Variants in MGST1 observed in about 807,000 individuals in gnomAD.
MGST1 encodes glutathione S-transferase 12.
MGST1 carries 5 observed loss-of-function variants against 8.9 expected under a neutral mutation model. That is an observed-to-expected ratio of 0.56 (90% CI 0.29 to 1.19). MGST1 has a LOEUF of 1.19. Among genes scored for constraint, MGST1 ranks in the 50% most tolerant of loss-of-function variants. MGST1 has a pLI of 0.08. For synonymous variants in MGST1, 54 were observed against 67.8 expected, an observed-to-expected ratio of 0.80 and a Z score of 1.00; for missense variants, 182 against 187.4, an observed-to-expected ratio of 0.97 and a Z score of 0.17.
chr12:16,479,266 G>A (rs1174584138), intron 4 of MGST1, among the ~76,000 whole-genome samples: 2 of 111,568 alleles, frequency 1.8e-5, no homozygotes, highest in African/African-American at 3.5e-5. Flanking sequence ...ACGGAGTCTC[G>A]CTCTGTCGCC....
At chr12:16,349,875 G>T (rs1472238661) in intron 1 of MGST1, among the ~76,000 whole-genome samples, 1 of 151,680 alleles carries the variant, frequency 6.6e-6, no homozygotes, top group Non-Finnish European at 1.5e-5. Context: ...CTCCCGAGTA[G>T]CTGGGACTAC....
chr12:16,360,980 T>TGCC (rs575833407), intron 3 of MGST1, among the ~76,000 whole-genome samples: 3 of 144,250 alleles, frequency 2.1e-5, no homozygotes, highest in South Asian at 2.3e-4. Context: ...TTTATAGTGT[T>TGCC]CCCCCCCTCC....
In MGST1 at chr12:16,401,328, A is replaced by G. The variant is rs1224954770; in HGVS notation, n.778+17724A>G. 1 of 1,353,106 alleles carries G rather than the reference A, an allele frequency of 7.4e-7. No individual in the cohort carries two copies. Among genetic ancestry groups the G allele is most frequent in the South Asian group, 1.2e-5 (1 of 85,810 alleles). The allele number at this position is 1,353,106 out of a possible 1,614,324, so 83.8% of individuals were successfully genotyped here. A position where few individuals can be genotyped will look rare whatever the true frequency, so the allele number is the denominator to read the frequency against. On this transcript the variant is annotated intron_variant and non_coding_transcript_variant, in intron 1 of 1. Coordinates refer to the MGST1 transcript ENST00000359720. The surrounding 1 kb of genome is among the most constrained non-coding windows in gnomAD (Gnocchi z 4.3). ...CTGTCTTCAGTTTGTATTGATTTTT[A>G]CTATTGATTACTAGGAAGCTTTCAT...
At chr12:16,402,517 G>C in intron 1 of MGST1, 2 of 1,062,720 alleles carry the variant, frequency 1.9e-6, no homozygotes, top group African/African-American at 1.6e-5. Context: ...TCTTATTCTT[G>C]GTTAGATTTA....
intron 4 of MGST1, among the ~76,000 whole-genome samples, chr12:16,539,584 A>G (rs1239987912): frequency 1.3e-5 from 2 of 152,146 alleles, no homozygotes; most frequent in African/African-American, 4.8e-5. Flanking sequence ...TTGCTTAAGT[A>G]TACCCATATT....
downstream of MGST1, among the ~76,000 whole-genome samples, chr12:16,369,025 G>A (rs1940242517): frequency 6.6e-6 from 1 of 152,106 alleles, no homozygotes; most frequent in Non-Finnish European, 1.5e-5. The surrounding 1 kb of genome is among the most constrained non-coding windows in gnomAD (Gnocchi z 4.8). Flanking sequence ...GTTGCCTAAA[G>A]TTCTTAGTCT....
intron 1 of MGST1, among the ~76,000 whole-genome samples, chr12:16,393,050 G>A (rs1266972894): frequency 2.6e-5 from 4 of 152,074 alleles, no homozygotes; most frequent in African/African-American, 7.2e-5. Context: ...ATGAGTTGAA[G>A]TTTTATAAGG....
At chr12:16,428,099 CAG>C (rs1940908409) in intron 1 of MGST1, among the ~76,000 whole-genome samples, 1 of 151,634 alleles carries the variant, frequency 6.6e-6, no homozygotes, top group East Asian at 1.9e-4. Flanking sequence ...CTCTTCAAAC[CAG>C]AGTTTTTCTA....
intron 4 of MGST1, among the ~76,000 whole-genome samples, chr12:16,570,276 C>G (rs549494837): frequency 1.1e-4 from 16 of 152,180 alleles, no homozygotes; most frequent in African/African-American, 3.6e-4. Flanking sequence ...CTTTTGATAT[C>G]TTTACAGACT....
chr12:16,410,058 G>A lies in MGST1; in HGVS notation n.778+26454G>A, dbSNP rs986799160. On this transcript the variant is annotated intron_variant and non_coding_transcript_variant, in intron 1 of 1. Coordinates refer to the MGST1 transcript ENST00000359720. The surrounding 1 kb of genome is among the most constrained non-coding windows in gnomAD (Gnocchi z 4.4). ...TGGGAAGTGAGTGGGGTAGTGTAGC[G>A]CAGATTTAACTCTGAGCTTTCTCTT... is the stretch of plus-strand genomic sequence containing the variant. Among the ~76,000 whole-genome samples, 2 of 152,216 alleles carry A rather than the reference G, an allele frequency of 1.3e-5. No homozygotes were observed. Among genetic ancestry groups the A allele is most frequent in the African/African-American group, 2.4e-5 (1 of 41,532 alleles).
At position 16,400,038 on chromosome 12, in the gene MGST1, A is replaced by G. The variant is rs1030291615; in HGVS notation, n.778+16434A>G. The G allele has an allele frequency of 4.4e-6, 7 of 1,574,394 alleles. No homozygotes were observed. The African/African-American group carries it at 9.4e-5, about 21-fold the overall frequency. On this transcript the variant is annotated intron_variant and non_coding_transcript_variant, in intron 1 of 1. Coordinates refer to the MGST1 transcript ENST00000359720. ...ATCCCAAGTCCCTAAAAGGCACTTC[A>G]AATTCCAGTTCCTCCTTAGTTAGAG...
At chr12:16,420,218 A>C (rs1413836836) in intron 1 of MGST1, among the ~76,000 whole-genome samples, 1 of 152,176 alleles carries the variant, frequency 6.6e-6, no homozygotes, top group Non-Finnish European at 1.5e-5. Flanking sequence ...TTTTGATAGC[A>C]CAGATCACAT....
Position 16,357,644 on chromosome 12 carries a change from G to C in MGST1, c.166G>C (p.Gly56Arg). ...AGAAGACTGTGTAGCATTTGGCAAA[G>C]GAGAAAATGCCAAGAAGTATCTTCG... ...NPEDCVAFGK[G>R]ENAKKYLRTD... is the part of the protein sequence containing the mutation. Residue 56 changes from glycine (G) to arginine (R), a missense_variant, in exon 3 of 4, where the codon GGA becomes CGA. Gly to Arg is a moderately radical substitution (Grantham distance 125). Transcript: ENST00000396210. 1 of 1,613,926 alleles carries C rather than the reference G, an allele frequency of 6.2e-7. No individual in the cohort carries two copies. Among genetic ancestry groups the C allele is most frequent in the East Asian group, 2.2e-5 (1 of 44,876 alleles).
chr12:16,547,628 G>A lies in MGST1; in HGVS notation n.483-41900G>A, dbSNP rs2193187. 5.3e-5 allele frequency among the ~76,000 whole-genome samples: 8 copies of A among 151,930 alleles called. No individual in the cohort carries two copies. Among genetic ancestry groups the A allele is most frequent in the South Asian group, 2.1e-4 (1 of 4,830 alleles). On this transcript the variant is annotated intron_variant and non_coding_transcript_variant, in intron 4 of 4. Transcript: ENST00000538857. This position sits in a 1 kb window ranked among gnomAD's most constrained non-coding sequence, Gnocchi z 4.6. The stretch of plus-strand genomic sequence containing the variant: ...GAGAGGCCTGTCACATAGTAGGTGC[G>A]CAATAAATGTCAATTAAACTAATGA...
downstream of MGST1, among the ~76,000 whole-genome samples, chr12:16,380,960 T>G (rs1448195629): frequency 1.3e-5 from 2 of 152,202 alleles, no homozygotes; most frequent in African/African-American, 4.8e-5. Context: ...AGACTAGGAT[T>G]GCAATCCCTG....
chr12:16,434,098 T>C (rs1264125536), intron 1 of MGST1, among the ~76,000 whole-genome samples: 1 of 152,116 alleles, frequency 6.6e-6, no homozygotes, highest in Non-Finnish European at 1.5e-5. Flanking sequence ...TTCATGCGTA[T>C]CTATGTTAAC....
At chr12:16,519,133 C>T (rs1405972730) in intron 4 of MGST1, among the ~76,000 whole-genome samples, 1 of 152,134 alleles carries the variant, frequency 6.6e-6, no homozygotes, top group African/African-American at 2.4e-5. Flanking sequence ...TGCCCATGGA[C>T]GAGCCCTTCC....
In MGST1 at chr12:16,389,554, T is replaced by C. The variant is rs1010276312; in HGVS notation, n.778+5950T>C. On this transcript the variant is annotated intron_variant and non_coding_transcript_variant, in intron 1 of 1. Transcript: ENST00000359720. This position sits in a 1 kb window ranked among gnomAD's most constrained non-coding sequence, Gnocchi z 4.6. ...TGGGTTTTCCCTGCCCTTCTTAGGA[T>C]AGCCAGTAGAAAAATGGGGTTTCCC... is the stretch of plus-strand genomic sequence containing the variant. 6.6e-6 allele frequency among the ~76,000 whole-genome samples: 1 copy of C among 152,182 alleles called. No homozygotes were observed. Among genetic ancestry groups the C allele is most frequent in the Non-Finnish European group, 1.5e-5 (1 of 68,038 alleles).
Position 16,503,194 on chromosome 12 carries a change from T to C in MGST1, n.483-86334T>C, listed in dbSNP as rs570706093. Among the ~76,000 whole-genome samples, 36 of 152,218 alleles carry C rather than the reference T, an allele frequency of 2.4e-4. No homozygotes were observed. Among genetic ancestry groups the C allele is most frequent in the Admixed American group, 1.1e-3 (17 of 15,284 alleles). On this transcript the variant is annotated intron_variant and non_coding_transcript_variant, in intron 4 of 4. Coordinates refer to the MGST1 transcript ENST00000538857. The surrounding 1 kb of genome is among the most constrained non-coding windows in gnomAD (Gnocchi z 4.8). ...CCCTCCCCCCTTTTTGTTTCTTCTC[T>C]TATTGTTATTCCCCACAATAGTTTG...
Sources: allele counts gnomAD v4.1 joint callset (sites outside exome capture counted in the v4.1 genomes callset), GRCh38; gene constraint gnomAD v4.1.1; non-coding constraint Gnocchi (gnomAD v3.1); transcripts MANE v1.5; gene names NCBI Gene and HGNC (gene_info 2026-07-23, HGNC 2026-07-21).